TNKS: variants seen among roughly 807,000 people sequenced by gnomAD.
TNKS encodes the protein tankyrase, also known as poly [ADP-ribose] polymerase tankyrase-1.
TNKS carries 72 observed loss-of-function variants against 135.8 expected under a neutral mutation model. The observed-to-expected ratio is 0.53, with a 90% CI of 0.44 to 0.64. TNKS has a LOEUF of 0.64. Ranked by LOEUF, TNKS falls within the 30% of genes least tolerant of loss-of-function variation. The pLI is 0.00. For synonymous variants in TNKS, 849 were observed against 649.3 expected, an observed-to-expected ratio of 1.31 and a Z score of -4.68; for missense variants, 1,769 against 1,674.0, an observed-to-expected ratio of 1.06 and a Z score of -0.99.
chr8:9,573,819 CATAG>C (rs1797847907), intron 1 of TNKS, among the ~76,000 whole-genome samples: 2 of 152,110 alleles, frequency 1.3e-5, no homozygotes, highest in Non-Finnish European at 2.9e-5. Context: ...ATTTTGCTGC[CATAG>C]ATAAAAACAT....
In TNKS at chr8:9,704,435, G is replaced by A. The variant is rs78475617; in HGVS notation, c.1108-228G>A. On this transcript the variant is annotated intron_variant, in intron 5 of 26. Transcript: ENST00000310430. ...ATAGGTAGGGTAAGGTTTGATTACTGATGGCCTTAAAAAAACAAGTAAGTG... is the reference window on the plus strand; with the variant it reads ...ATAGGTAGGGTAAGGTTTGATTACTAATGGCCTTAAAAAAACAAGTAAGTG... Among the ~76,000 whole-genome samples, 575 of 152,194 alleles carry A rather than the reference G, an allele frequency of 3.8e-3. 7 individuals carry two copies. Among genetic ancestry groups the A allele is most frequent in the African/African-American group, 0.013 (548 of 41,516 alleles).
Position 9,556,240 on chromosome 8 carries a change from G to A in TNKS, c.301G>A (p.Ala101Thr). 1 of 1,614,202 alleles carries A rather than the reference G, an allele frequency of 6.2e-7. No individual in the cohort carries two copies. Among genetic ancestry groups the A allele is most frequent in the Non-Finnish European group, 8.5e-7 (1 of 1,180,030 alleles). The part of the protein sequence containing the change: ...STTSTICTVA[A>T]APVVPAVSTS... ...CACCAGCACAATCTGTACCGTCGCCGCCGCTCCCGTGGTCCCAGCGGTTTC... is the reference window on the plus strand; with the variant it reads ...CACCAGCACAATCTGTACCGTCGCCACCGCTCCCGTGGTCCCAGCGGTTTC... Residue 101 changes from alanine (A) to threonine (T), a missense_variant, in exon 1 of 27, where the codon GCC becomes ACC. This residue lies in a region of TNKS where 450 missense variants were observed against 304.9 expected (regional missense o/e 1.48). Transcript: ENST00000310430.
At chr8:9,582,268 G>A (rs756150846) in intron 2 of TNKS, among the ~76,000 whole-genome samples, 2 of 151,880 alleles carry the variant, frequency 1.3e-5, no homozygotes, top group Non-Finnish European at 2.9e-5. Context: ...CTGTAAGGCA[G>A]AGTTCTGCTT....
chr8:9,778,563 G>C lies in TNKS; in HGVS notation c.*1827G>C, dbSNP rs1305861975. ...ATTAAATCGAGAATTAGCCTCAGTT[G>C]TTGCTTCTTTTGAAGTTTCAGTGAC... On this transcript the variant is annotated 3_prime_UTR_variant, in exon 27 of 27. Coordinates refer to ENST00000310430, the MANE Select transcript of TNKS (RefSeq NM_003747.3). 1 of 152,618 alleles carries C rather than the reference G, an allele frequency of 6.6e-6. No individual in the cohort carries two copies. Among genetic ancestry groups the C allele is most frequent in the Non-Finnish European group, 1.5e-5 (1 of 68,038 alleles). 9.5% of individuals were successfully genotyped at this position (152,618 alleles called of 1,614,324 possible). A position where few individuals can be genotyped will look rare whatever the true frequency, so the allele number is the denominator to read the frequency against.
At chr8:9,743,305 C>G (rs960956409) in intron 17 of TNKS, among the ~76,000 whole-genome samples, 1 of 152,110 alleles carries the variant, frequency 6.6e-6, no homozygotes, top group African/African-American at 2.4e-5. Flanking sequence ...GAAAATGGCT[C>G]TTGTGTTTTA....
intron 12 of TNKS, among the ~76,000 whole-genome samples, chr8:9,723,340 A>G (rs1804997309): frequency 6.6e-6 from 1 of 152,178 alleles, no homozygotes; most frequent in South Asian, 2.1e-4. Flanking sequence ...ATATATTAAT[A>G]TCAGTCAAAT....
intron 2 of TNKS, among the ~76,000 whole-genome samples, chr8:9,592,171 G>T (rs969876456): frequency 4.6e-5 from 7 of 152,156 alleles, no homozygotes; most frequent in Non-Finnish European, 1.0e-4. Context: ...AAAATTTAGG[G>T]AAATAGGCTG....
At chr8:9,700,351 A>C (rs574647564) in intron 5 of TNKS, among the ~76,000 whole-genome samples, 1 of 152,112 alleles carries the variant, frequency 6.6e-6, no homozygotes, top group Non-Finnish European at 1.5e-5. Context: ...CAAAATACTG[A>C]TTTCGCTTTC....
chr8:9,706,278 C>A (rs1400068661), intron 7 of TNKS, 25 bp downstream of exon 7: 3 of 1,465,326 alleles, frequency 2.0e-6, no homozygotes, highest in Non-Finnish European at 1.8e-6. Context: ...GAATATTGAG[C>A]ATCATTTACT....
At chr8:9,661,434 T>G (rs1173000406) in intron 3 of TNKS, among the ~76,000 whole-genome samples, 1 of 151,996 alleles carries the variant, frequency 6.6e-6, no homozygotes, top group South Asian at 2.1e-4. Flanking sequence ...ATGCCGCATA[T>G]CTACAACTAT....
At chr8:9,678,944 A>G (rs1400320060) in intron 3 of TNKS, among the ~76,000 whole-genome samples, 1 of 152,204 alleles carries the variant, frequency 6.6e-6, no homozygotes, top group African/African-American at 2.4e-5. Context: ...TTACAGCTGA[A>G]TCATAGTCCT....
intron 2 of TNKS, among the ~76,000 whole-genome samples, chr8:9,597,417 C>G (rs1487010509): frequency 6.6e-6 from 1 of 151,804 alleles, no homozygotes; most frequent in Non-Finnish European, 1.5e-5. Flanking sequence ...ATAAGCTGCT[C>G]TTTGTTACCA....
chr8:9,720,481 C>T lies in TNKS; in HGVS notation c.1857C>T (p.Ile619=), dbSNP rs748250564. Residue 619 remains isoleucine (I), a synonymous_variant, in exon 12 of 27, where the codon ATC becomes ATT. Transcript: ENST00000310430. ...LLLSYGSDPS[I]ISLQGFTAAQ... ...TGAGTTACGGCTCTGACCCCTCCATCATCTCCTTACAAGGCTTCACAGCAG... is the reference window on the plus strand; with the variant it reads ...TGAGTTACGGCTCTGACCCCTCCATTATCTCCTTACAAGGCTTCACAGCAG... The T allele has an allele frequency of 1.2e-6, 2 of 1,614,170 alleles. No individual in the cohort carries two copies. The highest frequency in any genetic ancestry group is 1.1e-5 in the South Asian group (1 of 91,082).
At chr8:9,617,007 C>G (rs751015095) in intron 3 of TNKS, among the ~76,000 whole-genome samples, 2 of 152,164 alleles carry the variant, frequency 1.3e-5, no homozygotes, top group African/African-American at 2.4e-5. Flanking sequence ...CTGAGCAAGA[C>G]TCTTTGTATA....
rs151301652 is a variant in TNKS at position 9,768,989 on chromosome 8, A to G, written c.3741-1117A>G. Among the ~76,000 whole-genome samples the G allele has an allele frequency of 3.3e-3, 507 of 152,338 alleles. 3 individuals carry two copies. The highest frequency in any genetic ancestry group is 0.011 in the African/African-American group (473 of 41,582). ...ATACTCCATTACTAAAAACAATTTG[A>G]CTGAATTGTAACTGTTTACATTTAA... is the stretch of plus-strand genomic sequence containing the variant. On this transcript the variant is annotated intron_variant, in intron 25 of 26. Transcript: ENST00000310430.
intron 3 of TNKS, among the ~76,000 whole-genome samples, chr8:9,622,689 C>G (rs1159399825): frequency 6.6e-6 from 1 of 152,124 alleles, no homozygotes; most frequent in Admixed American, 6.5e-5. Flanking sequence ...TAAATCTAGT[C>G]TGTTAATATA....
At chr8:9,565,947 T>A (rs10093621) in intron 1 of TNKS, among the ~76,000 whole-genome samples, 1 of 152,202 alleles carries the variant, frequency 6.6e-6, no homozygotes, top group Non-Finnish European at 1.5e-5. Flanking sequence ...TGTGTCTACA[T>A]GTATATAACT....
chr8:9,665,129 C>A (rs1415890269), intron 3 of TNKS, among the ~76,000 whole-genome samples: 5 of 152,178 alleles, frequency 3.3e-5, no homozygotes, highest in African/African-American at 1.2e-4. Flanking sequence ...AAGTTTTCCT[C>A]CCCTCCTTTT....
At chr8:9,772,608 A>G (rs1478368569) in intron 26 of TNKS, among the ~76,000 whole-genome samples, 1 of 152,154 alleles carries the variant, frequency 6.6e-6, no homozygotes, top group Non-Finnish European at 1.5e-5. Context: ...GAGAAAGTAC[A>G]TTATTAGATC....
Sources: gnomAD v4.1 joint callset for allele counts (sites outside exome capture counted in the v4.1 genomes callset) on GRCh38, gnomAD v4.1.1 for gene constraint, gnomAD v4.1.1 regional missense constraint, MANE v1.5 for transcripts, NCBI Gene and HGNC (gene_info 2026-07-23, HGNC 2026-07-21) for gene names.